The following PRKCQ variants were observed in gnomAD, a reference collection of about 807,000 sequenced individuals.
The protein encoded by PRKCQ is protein kinase C theta type.
A neutral mutation model predicts 91.2 loss-of-function variants in PRKCQ; 41 were observed. The observed-to-expected ratio is 0.45, with a 90% CI of 0.35 to 0.58. The LOEUF is 0.58. PRKCQ is among the 20% of genes least tolerant of loss of function. The pLI, the probability that PRKCQ is intolerant of heterozygous loss-of-function variation, is 0.00. For missense variants in PRKCQ, 673 were observed against 896.5 expected (o/e 0.75, Z 3.18); for synonymous variants, 307 against 316.9 (o/e 0.97, Z 0.33).
intron 1 of PRKCQ, among the ~76,000 whole-genome samples, chr10:6,566,717 C>A (rs1005691744): frequency 2.0e-5 from 3 of 151,952 alleles, no homozygotes; most frequent in African/African-American, 7.3e-5. Context: ...AACAGAAGAA[C>A]AGAAAGATGG....
chr10:6,543,374 G>A (rs906979403), intron 1 of PRKCQ, among the ~76,000 whole-genome samples: 3 of 152,026 alleles, frequency 2.0e-5, no homozygotes, highest in Non-Finnish European at 4.4e-5. Context: ...TCCAGACAGA[G>A]GAAAACAAAA....
intron 1 of PRKCQ, among the ~76,000 whole-genome samples, chr10:6,571,026 C>A (rs901300894): frequency 1.3e-5 from 2 of 151,982 alleles, no homozygotes; most frequent in Non-Finnish European, 1.5e-5. Context: ...GAGGGGACGG[C>A]GGAGGCAGGA....
At chr10:6,501,806 A>G (rs953504246) in intron 4 of PRKCQ, among the ~76,000 whole-genome samples, 3 of 152,070 alleles carry the variant, frequency 2.0e-5, no homozygotes, top group Non-Finnish European at 2.9e-5. Flanking sequence ...CCTGGGCGAC[A>G]TGAGCGAAAC....
intron 1 of PRKCQ, among the ~76,000 whole-genome samples, chr10:6,518,836 A>T (rs1838886453): frequency 6.6e-6 from 1 of 151,700 alleles, no homozygotes; most frequent in Admixed American, 6.5e-5. Context: ...AAAAGAAAAG[A>T]AAAGAAAAAT....
intron 1 of PRKCQ, among the ~76,000 whole-genome samples, chr10:6,578,781 G>A (rs1018486208): frequency 2.0e-5 from 3 of 152,146 alleles, no homozygotes; most frequent in African/African-American, 7.2e-5. Context: ...TCTTCTTCCC[G>A]CTAGACACAG....
At chr10:6,475,100 T>C (rs74112630) in intron 12 of PRKCQ, among the ~76,000 whole-genome samples, 1,905 of 152,312 alleles carry the variant, frequency 0.013, 44 homozygotes, top group African/African-American at 0.043. Flanking sequence ...AGAGCCTGGA[T>C]GATGTACAAA....
chr10:6,491,711 T>G lies in PRKCQ; in HGVS notation c.762A>C (p.Gly254=). 1 of 1,614,192 alleles carries G rather than the reference T, an allele frequency of 6.2e-7. No homozygotes were observed. Among genetic ancestry groups the G allele is most frequent in the Non-Finnish European group, 8.5e-7 (1 of 1,180,030 alleles). ...FCEHCGTLLW[G]LARQGLKCDA... is the part of the protein sequence containing the mutation. ...CACACTTGAGTCCTTGCCGTGCCAG[T>G]CCCCACAGCAGGGTCCCACAGTGTT... The change falls in exon 8 of 18, where the codon GGA becomes GGC. Residue 254 remains glycine (G), a synonymous_variant. Transcript: ENST00000263125.
At chr10:6,521,940 T>TATTC (rs1564371836) in intron 1 of PRKCQ, among the ~76,000 whole-genome samples, 5 of 151,804 alleles carry the variant, frequency 3.3e-5, no homozygotes, top group African/African-American at 1.2e-4. Flanking sequence ...TTTATTTATT[T>TATTC]ATTTATTTAT....
chr10:6,580,349 GC>G (rs996723382), upstream of PRKCQ: 10 of 148,772 alleles, frequency 6.7e-5, no homozygotes, highest in African/African-American at 2.4e-4. Context: ...CTGCGGGTGC[GC>G]CTAGAAGGCG....
In PRKCQ at chr10:6,465,961, T is replaced by G. The variant is rs1835628268; in HGVS notation, c.1354-1557A>C. 6.6e-6 allele frequency among the ~76,000 whole-genome samples: 1 copy of G among 152,240 alleles called. No homozygotes were observed. Among genetic ancestry groups the G allele is most frequent in the Admixed American group, 6.5e-5 (1 of 15,286 alleles). On this transcript the variant is annotated intron_variant, in intron 12 of 17. Coordinates refer to ENST00000263125, the MANE Select transcript of PRKCQ (RefSeq NM_006257.5). The surrounding 1 kb of genome is among the most constrained non-coding windows in gnomAD (Gnocchi z 4.4). ...TTTGAGAGTCGTCATTGGCTTTGCC[T>G]GCACACACCTGCTTTCTCATGCTAC...
At chr10:6,561,921 C>CA (rs1203200804) in intron 1 of PRKCQ, among the ~76,000 whole-genome samples, 1 of 151,954 alleles carries the variant, frequency 6.6e-6, no homozygotes, top group Admixed American at 6.6e-5. Flanking sequence ...AGAGTTCAAG[C>CA]AAAAAGTAAA....
In PRKCQ at chr10:6,428,353, A is replaced by G; in HGVS notation, c.1975T>C (p.Phe659Leu). Residue 659 changes from phenylalanine to leucine, a missense_variant, in exon 18 of 18, where the codon TTT (phenylalanine) becomes CTT (leucine). Coordinates refer to ENST00000263125, the MANE Select transcript of PRKCQ (RefSeq NM_006257.5). ...PPFRPKVKSPFDCSNFDKEFL... is the reference protein window; with the variant it reads ...PPFRPKVKSPLDCSNFDKEFL... ...TCTTTGTCGAAATTGCTGCAGTCAA[A>G]TGGTGATTTCTTAGTCAGAGTTTAA... 6.2e-7 allele frequency: 1 copy of G among 1,613,486 alleles called. No individual in the cohort carries two copies. Among genetic ancestry groups the G allele is most frequent in the Non-Finnish European group, 8.5e-7 (1 of 1,179,766 alleles).
downstream of PRKCQ, among the ~76,000 whole-genome samples, chr10:6,422,666 A>C (rs1268815537): frequency 6.6e-6 from 1 of 152,244 alleles, no homozygotes; most frequent in East Asian, 1.9e-4. Context: ...GGTAATTGCA[A>C]GAATTTTCCA....
chr10:6,443,921 A>G (rs975359062), intron 15 of PRKCQ, among the ~76,000 whole-genome samples: 9 of 152,196 alleles, frequency 5.9e-5, no homozygotes, highest in African/African-American at 2.2e-4. Flanking sequence ...CTAATAGTTA[A>G]ATTCTAGAGA....
At chr10:6,487,763 C>T (rs1466236414) in intron 8 of PRKCQ, among the ~76,000 whole-genome samples, 4 of 151,994 alleles carry the variant, frequency 2.6e-5, no homozygotes, top group South Asian at 2.1e-4. Context: ...TTTGGGAGGC[C>T]GAGGCGGGCA....
intron 1 of PRKCQ, among the ~76,000 whole-genome samples, chr10:6,549,589 T>C (rs1164920026): frequency 6.6e-6 from 1 of 152,028 alleles, no homozygotes; most frequent in African/African-American, 2.4e-5. Flanking sequence ...GTAGCTTTTC[T>C]TATCATGGTA....
At chr10:6,505,240 C>T (rs115010976) in intron 4 of PRKCQ, among the ~76,000 whole-genome samples, 403 of 152,236 alleles carry the variant, frequency 2.6e-3, no homozygotes, top group African/African-American at 8.7e-3. Context: ...TTATTGTTTA[C>T]GGAATATCAT....
At chr10:6,399,258 CG>C in the PRKCQ span, among the ~76,000 whole-genome samples, 1 of 152,092 alleles carries the variant, frequency 6.6e-6, no homozygotes, top group African/African-American at 2.4e-5. Context: ...AAATATTCAC[CG>C]TGATTTACTT....
the PRKCQ span, among the ~76,000 whole-genome samples, chr10:6,419,071 T>A: frequency 3.9e-5 from 6 of 152,272 alleles, no homozygotes; most frequent in South Asian, 2.1e-4. Flanking sequence ...ATCATCTATT[T>A]ATTCTATCAA....
Sources: allele counts gnomAD v4.1 joint callset (sites outside exome capture counted in the v4.1 genomes callset), GRCh38; gene constraint gnomAD v4.1.1; non-coding constraint Gnocchi (gnomAD v3.1); transcripts MANE v1.5; gene names NCBI Gene and HGNC (gene_info 2026-07-23, HGNC 2026-07-21).